RPTOR: variants seen among roughly 807,000 people sequenced by gnomAD.
RPTOR encodes regulatory-associated protein of mTOR.
In RPTOR, 21 loss-of-function variants were observed where a neutral mutation model predicts 169.9. That is an observed-to-expected ratio of 0.12 (90% CI 0.09 to 0.18). The LOEUF is 0.18. RPTOR is among the 10% of genes least tolerant of loss of function. The pLI is 1.00. For missense variants in RPTOR, 1,133 were observed against 1,855.9 expected (o/e 0.61, Z 7.16); for synonymous variants, 732 against 753.2 (o/e 0.97, Z 0.46).
At chr17:80,835,460 C>T (rs1410869237) in intron 9 of RPTOR, among the ~76,000 whole-genome samples, 1 of 152,162 alleles carries the variant, frequency 6.6e-6, no homozygotes, top group East Asian at 1.9e-4. Context: ...CACTCGGTTT[C>T]CACAAGGAAC....
intron 4 of RPTOR, among the ~76,000 whole-genome samples, chr17:80,710,565 A>ATT (rs1213742651): frequency 6.2e-5 from 6 of 97,486 alleles, no homozygotes; most frequent in Admixed American, 4.7e-4. Flanking sequence ...TCCCTTGGTT[A>ATT]TTTGTATGTG....
intron 1 of RPTOR, among the ~76,000 whole-genome samples, chr17:80,549,603 G>A (rs932730441): frequency 9.9e-5 from 15 of 152,164 alleles, no homozygotes; most frequent in Admixed American, 7.9e-4. Context: ...GTGAGCCACC[G>A]TGCCTGGTCT....
At chr17:80,782,110 G>GTAA in intron 6 of RPTOR, among the ~76,000 whole-genome samples, 1 of 152,314 alleles carries the variant, frequency 6.6e-6, no homozygotes, top group African/African-American at 2.4e-5. Flanking sequence ...TTTCACATAG[G>GTAA]GTCAGCTCTT....
intron 1 of RPTOR, among the ~76,000 whole-genome samples, chr17:80,566,685 G>C (rs2064845081): frequency 6.6e-6 from 1 of 151,704 alleles, no homozygotes; most frequent in Admixed American, 6.6e-5. Flanking sequence ...TTAGCCCAGT[G>C]AGGTGGCAGG....
At chr17:80,663,117 C>T (rs1391181144) in intron 3 of RPTOR, among the ~76,000 whole-genome samples, 1 of 152,202 alleles carries the variant, frequency 6.6e-6, no homozygotes. Flanking sequence ...CAGGGTGAGG[C>T]TTCTGAGACT....
intron 3 of RPTOR, among the ~76,000 whole-genome samples, chr17:80,666,495 G>A (rs1470575800): frequency 6.6e-6 from 1 of 152,114 alleles, no homozygotes; most frequent in African/African-American, 2.4e-5. Context: ...GTGTAGGAAG[G>A]GCGCAAGGAT....
At chr17:80,555,234 T>C (rs901419056) in intron 1 of RPTOR, among the ~76,000 whole-genome samples, 1 of 152,232 alleles carries the variant, frequency 6.6e-6, no homozygotes, top group Non-Finnish European at 1.5e-5. Flanking sequence ...CCTAATCTGT[T>C]GCCCTCTTTC....
In RPTOR at chr17:80,878,849, A is replaced by C. The variant is rs1052703745; in HGVS notation, c.1510-1566A>C. Among the ~76,000 whole-genome samples, 1 of 152,138 alleles carries C rather than the reference A, an allele frequency of 6.6e-6. No homozygotes were observed. The highest frequency in any genetic ancestry group is 2.4e-5 in the African/African-American group (1 of 41,422). ...GCCAGCACTTGCAGAAGTGTCCCCA[A>C]GTTAGGCAGCCTGGTGTGGCTTCCG... is the stretch of plus-strand genomic sequence containing the variant. On this transcript the variant is annotated intron_variant, in intron 13 of 33. Coordinates refer to ENST00000306801, the MANE Select transcript of RPTOR (RefSeq NM_020761.3). This position sits in a 1 kb window ranked among gnomAD's most constrained non-coding sequence, Gnocchi z 4.1.
Position 80,545,192 on chromosome 17 carries a change from G to A in RPTOR, c.-438G>A, listed in dbSNP as rs149212550. 9.2e-4 allele frequency: 216 copies of A among 235,520 alleles called. No homozygotes were observed. The highest frequency in any genetic ancestry group is 4.3e-3 in the African/African-American group (195 of 45,536). 14.6% of individuals were successfully genotyped at this position (235,520 alleles called of 1,614,324 possible). A position where few individuals can be genotyped will look rare whatever the true frequency, so the allele number is the denominator to read the frequency against. On this transcript the variant is annotated 5_prime_UTR_variant, in exon 1 of 34. Coordinates refer to ENST00000306801, the MANE Select transcript of RPTOR (RefSeq NM_020761.3). ...CCCGATCCCTTGGCCGGAGACCTCA[G>A]CCCAGTCGGCCCAGTGGGCGAACCG...
chr17:80,923,112 T>A (rs1319048447), intron 22 of RPTOR, among the ~76,000 whole-genome samples: 1 of 152,176 alleles, frequency 6.6e-6, no homozygotes, highest in Non-Finnish European at 1.5e-5. Context: ...TTTCAGAGTT[T>A]GTAAGAGGGG....
chr17:80,575,593 C>T (rs918861713), intron 1 of RPTOR, among the ~76,000 whole-genome samples: 9 of 152,124 alleles, frequency 5.9e-5, no homozygotes, highest in Non-Finnish European at 1.3e-4. Context: ...TGCATGCACA[C>T]GCTTGGAATT....
intron 20 of RPTOR, among the ~76,000 whole-genome samples, chr17:80,901,828 T>G (rs1166470373): frequency 7.2e-6 from 1 of 138,520 alleles, no homozygotes; most frequent in Non-Finnish European, 1.6e-5. Context: ...GCGCCCTCCC[T>G]GCTCTGCCTT....
chr17:80,574,345 T>G (rs1330432103), intron 1 of RPTOR, among the ~76,000 whole-genome samples: 2 of 151,090 alleles, frequency 1.3e-5, no homozygotes, highest in East Asian at 3.9e-4. Context: ...TTTGTATTTT[T>G]TTAGTAGAGA....
chr17:80,599,283 C>G (rs931447691), intron 1 of RPTOR, among the ~76,000 whole-genome samples: 1 of 152,208 alleles, frequency 6.6e-6, no homozygotes, highest in Non-Finnish European at 1.5e-5. Flanking sequence ...TTCCAGCCCC[C>G]AGAAGACACT....
intron 5 of RPTOR, among the ~76,000 whole-genome samples, chr17:80,736,203 T>C (rs2066432138): frequency 6.6e-6 from 1 of 151,586 alleles, no homozygotes; most frequent in East Asian, 1.9e-4. Flanking sequence ...CCATGGATCA[T>C]GGGCACAATT....
chr17:80,688,817 C>T (rs1405932426), intron 3 of RPTOR, among the ~76,000 whole-genome samples: 1 of 152,232 alleles, frequency 6.6e-6, no homozygotes, highest in African/African-American at 2.4e-5. Flanking sequence ...AGGACACTGA[C>T]CAGCTTGGGG....
chr17:80,613,423 A>G (rs1242832912), intron 1 of RPTOR, among the ~76,000 whole-genome samples: 2 of 152,232 alleles, frequency 1.3e-5, no homozygotes, highest in Admixed American at 6.5e-5. Context: ...CTCTGATGCC[A>G]CAAGCATTTA....
chr17:80,946,373 C>T lies in RPTOR; in HGVS notation c.3140+592C>T, dbSNP rs115427095. Among the ~76,000 whole-genome samples, 983 of 152,360 alleles carry T rather than the reference C, an allele frequency of 6.5e-3. 6 individuals carry two copies. Among genetic ancestry groups the T allele is most frequent in the African/African-American group, 0.023 (944 of 41,576 alleles). On this transcript the variant is annotated intron_variant, in intron 26 of 33. Transcript: ENST00000306801. Reference sequence around the variant, plus strand: ...TGCCATTTTAACCGTTCTGAGTGCGCAGCCAGTGGCATTCAGCGTATTCAC... The same window carrying T: ...TGCCATTTTAACCGTTCTGAGTGCGTAGCCAGTGGCATTCAGCGTATTCAC...
rs376396133 is a variant in RPTOR at position 80,964,235 on chromosome 17, C to T, written c.3940-27C>T. The T allele has an allele frequency of 1.0e-5, 16 of 1,600,298 alleles. No homozygotes were observed. In the African/African-American group the frequency reaches 2.1e-4, roughly 21 times the overall value. ...GCAGTGTCTGCCCGCACCTGAACCC[C>T]TGCTCACCCCTTCTCTCTCCTTGCA... On this transcript the variant is annotated intron_variant, in intron 33 of 33. Transcript: ENST00000306801.
Sources: allele counts gnomAD v4.1 joint callset (sites outside exome capture counted in the v4.1 genomes callset), GRCh38; gene constraint gnomAD v4.1.1; non-coding constraint Gnocchi (gnomAD v3.1); transcripts MANE v1.5; gene names NCBI Gene and HGNC (gene_info 2026-07-23, HGNC 2026-07-21).